CSGALNACT1: variants seen among roughly 807,000 people sequenced by gnomAD.
CSGALNACT1 encodes the protein chondroitin sulfate N-acetylgalactosaminyltransferase 1, also known as beta4GalNAcT-1.
A neutral mutation model predicts 51.0 loss-of-function variants in CSGALNACT1; 52 were observed. That is an observed-to-expected ratio of 1.02 (90% CI 0.82 to 1.29). The LOEUF (loss-of-function observed/expected upper bound fraction) is 1.29, where lower values mean the gene tolerates loss of function less well. Ranked by LOEUF, CSGALNACT1 falls within the 50% of genes most tolerant of loss-of-function variation. CSGALNACT1 has a pLI of 0.00. For synonymous variants in CSGALNACT1, 341 were observed against 254.4 expected (o/e 1.34, Z -3.24); for missense variants, 935 against 679.2 (o/e 1.38, Z -4.19).
At chr8:19,500,005 C>G (rs2076143653) in intron 4 of CSGALNACT1, among the ~76,000 whole-genome samples, 1 of 152,188 alleles carries the variant, frequency 6.6e-6, no homozygotes, top group African/African-American at 2.4e-5. Context: ...TTTTAAGTCT[C>G]TTATCTCAAA....
chr8:19,722,824 T>C (rs535704356), intron 1 of CSGALNACT1, among the ~76,000 whole-genome samples: 115 of 152,306 alleles, frequency 7.6e-4, no homozygotes, highest in Non-Finnish European at 1.4e-3. Context: ...GACCAGTATA[T>C]TCTCCCCAGG....
intron 3 of CSGALNACT1, among the ~76,000 whole-genome samples, chr8:19,553,687 C>A (rs1385649057): frequency 6.6e-5 from 9 of 136,360 alleles, no homozygotes; most frequent in Admixed American, 4.4e-4. Context: ...GAGCAGACAC[C>A]CAAGGATGAT....
chr8:19,454,474 C>T (rs748758577), intron 5 of CSGALNACT1, among the ~76,000 whole-genome samples: 6 of 152,170 alleles, frequency 3.9e-5, no homozygotes, highest in African/African-American at 7.2e-5. Context: ...AGTTTGAGAC[C>T]AGCCTGACCA....
At chr8:19,605,981 T>C (rs754138735), upstream of CSGALNACT1, among the ~76,000 whole-genome samples, 3 of 152,168 alleles carry the variant, frequency 2.0e-5, no homozygotes, top group Non-Finnish European at 2.9e-5. Flanking sequence ...AAAAACACAA[T>C]GGACCCAATG....
In CSGALNACT1 at chr8:19,412,840, C is replaced by T. The variant is rs992167365; in HGVS notation, c.1228-4146G>A. On this transcript the variant is annotated intron_variant, in intron 8 of 9. Coordinates refer to ENST00000454498, the Ensembl canonical transcript of CSGALNACT1. ...CCAGGCTGGGGGCCCCCAGCCCAGG[C>T]TGTCCATTCCTTACTATCTGGGCCC... Among the ~76,000 whole-genome samples, 3 of 152,136 alleles carry T rather than the reference C, an allele frequency of 2.0e-5. No homozygotes were observed. In the East Asian group the frequency reaches 5.9e-4, roughly 30 times the overall value.
chr8:19,644,658 C>T (rs1200218016), intron 1 of CSGALNACT1, among the ~76,000 whole-genome samples: 6 of 134,272 alleles, frequency 4.5e-5, no homozygotes, highest in Non-Finnish European at 7.6e-5. Context: ...TGCAGTGAGC[C>T]GAGATGGTGC....
In CSGALNACT1 at chr8:19,725,957, G is replaced by A. The variant is rs116431330; in HGVS notation, c.-297+31893C>T. On this transcript the variant is annotated intron_variant, in intron 1 of 1. Coordinates refer to the CSGALNACT1 transcript ENST00000517494. ...ACTCTCGGTATTGTACATTCTATGG[G>A]TCTGGACAAATGTACAATGACATGG... 8.4e-3 allele frequency among the ~76,000 whole-genome samples: 1,274 copies of A among 152,144 alleles called. 22 individuals are homozygous for A. Among genetic ancestry groups the A allele is most frequent in the African/African-American group, 0.029 (1,200 of 41,490 alleles).
rs139337197 is a variant in CSGALNACT1 at position 19,670,011 on chromosome 8, C to A, written c.-544+12462G>T. Among the ~76,000 whole-genome samples the A allele has an allele frequency of 7.6e-3, 1,164 of 152,220 alleles. 5 individuals are homozygous for A. Among genetic ancestry groups the A allele is most frequent in the Admixed American group, 0.012 (187 of 15,270 alleles). Reference sequence around the variant, plus strand: ...TATTTTATTATTTCCACCTGGAATTCTTCAATTATCCCAGGTCTACCTACT... The same window carrying A: ...TATTTTATTATTTCCACCTGGAATTATTCAATTATCCCAGGTCTACCTACT... On this transcript the variant is annotated intron_variant, in intron 1 of 9. Transcript: ENST00000332246.
At chr8:19,614,518 T>C (rs1299577869) in intron 1 of CSGALNACT1, among the ~76,000 whole-genome samples, 1 of 152,238 alleles carries the variant, frequency 6.6e-6, no homozygotes. Flanking sequence ...ATCTTAAAGA[T>C]ACAGCTCAAT....
intron 3 of CSGALNACT1, 118 bp from the exon 3 acceptor site, chr8:19,506,248 G>C (rs1004904929): frequency 1.3e-5 from 5 of 379,284 alleles, no homozygotes; most frequent in Non-Finnish European, 2.6e-5. Flanking sequence ...GCCTATGATA[G>C]ATGATTAAAT....
At chr8:19,694,265 A>G (rs2061475075) in intron 1 of CSGALNACT1, among the ~76,000 whole-genome samples, 1 of 152,162 alleles carries the variant, frequency 6.6e-6, no homozygotes, top group African/African-American at 2.4e-5. Flanking sequence ...TGTTCCAGAA[A>G]ATGATTATGC....
At chr8:19,546,414 A>T (rs1050494148) in intron 3 of CSGALNACT1, among the ~76,000 whole-genome samples, 2 of 152,168 alleles carry the variant, frequency 1.3e-5, no homozygotes, top group African/African-American at 2.4e-5. Context: ...CCTCTCTGGA[A>T]TATTAAGGAC....
chr8:19,485,673 C>G (rs1041374907), intron 4 of CSGALNACT1, among the ~76,000 whole-genome samples: 1 of 150,458 alleles, frequency 6.6e-6, no homozygotes, highest in East Asian at 2.0e-4. Flanking sequence ...TTCCTCCATT[C>G]CCTTTTACTT....
At chr8:19,427,005 A>G (rs1437016712) in intron 6 of CSGALNACT1, among the ~76,000 whole-genome samples, 3 of 152,250 alleles carry the variant, frequency 2.0e-5, no homozygotes, top group Non-Finnish European at 2.9e-5. Flanking sequence ...AAATACTGAA[A>G]TCACTTATGA....
At chr8:19,440,319 T>A (rs530228643) in intron 5 of CSGALNACT1, among the ~76,000 whole-genome samples, 81 of 152,178 alleles carry the variant, frequency 5.3e-4, no homozygotes, top group African/African-American at 1.8e-3. Context: ...AAATCCTCAA[T>A]AAAATACTGG....
chr8:19,512,534 C>G (rs918647491), intron 3 of CSGALNACT1, among the ~76,000 whole-genome samples: 1 of 152,234 alleles, frequency 6.6e-6, no homozygotes, highest in Middle Eastern at 3.2e-3. Flanking sequence ...AATGCTATCT[C>G]TCAACCATAC....
chr8:19,433,137 T>C (rs1320975414), intron 6 of CSGALNACT1, among the ~76,000 whole-genome samples: 1 of 152,238 alleles, frequency 6.6e-6, no homozygotes, highest in Non-Finnish European at 1.5e-5. Flanking sequence ...CTCAATTCTT[T>C]ATTGTGCGAC....
At chr8:19,410,389 C>G (rs957634710) in intron 8 of CSGALNACT1, among the ~76,000 whole-genome samples, 1 of 152,184 alleles carries the variant, frequency 6.6e-6, no homozygotes, top group Admixed American at 6.5e-5. Flanking sequence ...CCCGCCTTAC[C>G]AGGTACATGG....
intron 7 of CSGALNACT1, among the ~76,000 whole-genome samples, 173 bp from the exon 7 acceptor site, chr8:19,418,923 T>C (rs541486796): frequency 6.6e-6 from 1 of 152,272 alleles, no homozygotes; most frequent in East Asian, 1.9e-4. Flanking sequence ...CTTGGCTCAT[T>C]GCAATCTCTG....
Sources: allele counts gnomAD v4.1 joint callset (sites outside exome capture counted in the v4.1 genomes callset), GRCh38; gene constraint gnomAD v4.1.1; transcripts MANE v1.5; gene names NCBI Gene and HGNC (gene_info 2026-07-23, HGNC 2026-07-21).